Variants in FRYL observed in about 807,000 individuals in gnomAD.
FRYL encodes the protein FRY like transcription coactivator, also known as protein furry homolog-like.
Under a neutral mutation model 351.2 loss-of-function variants are expected in FRYL, and 150 were observed. The observed-to-expected ratio is 0.43, with a 90% CI of 0.37 to 0.49. The LOEUF is 0.49. FRYL is among the 20% of genes least tolerant of loss of function. The pLI is 0.00. For missense variants in FRYL, 3,036 were observed against 3,619.3 expected, an observed-to-expected ratio of 0.84 and a Z score of 4.13; for synonymous variants, 1,153 against 1,257.1, an observed-to-expected ratio of 0.92 and a Z score of 1.75.
intron 3 of FRYL, among the ~76,000 whole-genome samples, chr4:48,635,548 T>G (rs1407087246): frequency 6.6e-6 from 1 of 152,140 alleles, no homozygotes; most frequent in African/African-American, 2.4e-5. Flanking sequence ...TGCTGGCAAA[T>G]AGTAAGCTGC....
intron 1 of FRYL, among the ~76,000 whole-genome samples, chr4:48,727,159 A>G (rs1394838511): frequency 6.6e-6 from 1 of 152,176 alleles, no homozygotes; most frequent in Non-Finnish European, 1.5e-5. Flanking sequence ...GCAAGGATGC[A>G]CTAAAACTTA....
chr4:48,549,438 G>C lies in FRYL; in HGVS notation c.4784+35C>G. On this transcript the variant is annotated intron_variant, in intron 39 of 63. Transcript: ENST00000358350. The surrounding 1 kb of genome is among the most constrained non-coding windows in gnomAD (Gnocchi z 4.2). ...AGCCGACAGTGTTCAGCAGCAACTT[G>C]GTGCATATGTAAAAGGAATGACGCT... 6.4e-7 allele frequency: 1 copy of C among 1,569,982 alleles called. No homozygotes were observed. Among genetic ancestry groups the C allele is most frequent in the Non-Finnish European group, 8.7e-7 (1 of 1,154,604 alleles).
intron 1 of FRYL, among the ~76,000 whole-genome samples, chr4:48,775,619 A>T (rs1775936341): frequency 6.6e-6 from 1 of 152,220 alleles, no homozygotes; most frequent in Non-Finnish European, 1.5e-5. Context: ...CGTTTGAGTG[A>T]TTCCACCATG....
At chr4:48,527,449 T>A in intron 53 of FRYL, 28 bp downstream of exon 53, 1 of 1,568,606 alleles carries the variant, frequency 6.4e-7, no homozygotes, top group African/African-American at 1.4e-5. Context: ...GTTCTATAAA[T>A]ATTAACAGAG....
intron 2 of FRYL, among the ~76,000 whole-genome samples, chr4:48,707,697 G>A (rs2149585848): frequency 6.6e-6 from 1 of 152,346 alleles, no homozygotes; most frequent in East Asian, 1.9e-4. Context: ...AAGGCAAGAA[G>A]TGATTGAAGT....
intron 2 of FRYL, among the ~76,000 whole-genome samples, chr4:48,698,689 G>T (rs1433448952): frequency 2.0e-5 from 3 of 152,088 alleles, no homozygotes; most frequent in Non-Finnish European, 4.4e-5. Flanking sequence ...AATTAGTTTG[G>T]TCACTATGGA....
intron 3 of FRYL, among the ~76,000 whole-genome samples, chr4:48,644,142 G>A (rs1179984298): frequency 1.3e-5 from 2 of 151,988 alleles, no homozygotes; most frequent in African/African-American, 2.4e-5. Flanking sequence ...GGGTTTCCCC[G>A]TGTTGGTCAG....
At chr4:48,721,948 C>T (rs546730163) in intron 1 of FRYL, among the ~76,000 whole-genome samples, 65 of 152,164 alleles carry the variant, frequency 4.3e-4, no homozygotes, top group African/African-American at 1.4e-3. Context: ...CCCATATGTA[C>T]GTTTCTTAGA....
At chr4:48,774,158 A>G (rs1490161108) in intron 1 of FRYL, among the ~76,000 whole-genome samples, 1 of 152,194 alleles carries the variant, frequency 6.6e-6, no homozygotes, top group African/African-American at 2.4e-5. Context: ...TGGGGATGGG[A>G]TGAAAAAGTT....
chr4:48,579,021 A>G lies in FRYL; in HGVS notation c.2480T>C (p.Met827Thr). The G allele has an allele frequency of 6.2e-7, 1 of 1,613,800 alleles. No homozygotes were observed. Among genetic ancestry groups the G allele is most frequent in the African/African-American group, 1.3e-5 (1 of 75,054 alleles). The part of the protein sequence containing the change: ...HCSTAVSYAW[M>T]FAYTRLQLLS... ...CAACTGAAGTCTTGTGTATGCAAACATCCAAGCATAGCTCACAGCTGTAGA... is the reference window on the plus strand; with the variant it reads ...CAACTGAAGTCTTGTGTATGCAAACGTCCAAGCATAGCTCACAGCTGTAGA... The change falls in exon 23 of 64, where the codon ATG (methionine) becomes ACG (threonine). Residue 827 changes from methionine (M) to threonine (T), a missense_variant. Met to Thr is a moderately conservative substitution (Grantham distance 81). Coordinates refer to ENST00000358350, the MANE Select transcript of FRYL (RefSeq NM_015030.2).
intron 7 of FRYL, among the ~76,000 whole-genome samples, chr4:48,611,652 C>G (rs1329471124): frequency 6.6e-6 from 1 of 152,002 alleles, no homozygotes; most frequent in African/African-American, 2.4e-5. Flanking sequence ...CATCTAGAGT[C>G]ACCTTTTCAA....
intron 2 of FRYL, among the ~76,000 whole-genome samples, chr4:48,709,232 G>A (rs931544044): frequency 3.3e-5 from 5 of 152,050 alleles, no homozygotes; most frequent in Admixed American, 6.6e-5. Flanking sequence ...AGGTATCTGT[G>A]TTTTTATAAA....
chr4:48,507,535 C>CAGTTAGTTAGTTT, intron 59 of FRYL, among the ~76,000 whole-genome samples: 1 of 151,790 alleles, frequency 6.6e-6, no homozygotes, highest in East Asian at 1.9e-4. Flanking sequence ...CTCAAACAAA[C>CAGTTAGTTAGTTT]AGTTAGTTAG....
intron 1 of FRYL, among the ~76,000 whole-genome samples, chr4:48,745,028 G>A (rs1772511547): frequency 1.3e-5 from 2 of 152,192 alleles, no homozygotes; most frequent in African/African-American, 4.8e-5. Flanking sequence ...CATTTATAGG[G>A]ATTGGCAAGA....
chr4:48,727,108 C>T (rs1262635157), intron 1 of FRYL, among the ~76,000 whole-genome samples: 1 of 151,912 alleles, frequency 6.6e-6, no homozygotes, highest in Admixed American at 6.6e-5. Context: ...TCAGTAATCT[C>T]ATCTCAATTT....
At position 48,629,260 on chromosome 4, in the gene FRYL, T is replaced by G. The variant is rs376654206; in HGVS notation, c.120+5031A>C. On this transcript the variant is annotated intron_variant, in intron 4 of 63. Transcript: ENST00000358350. ...CTGAAACATTTCAGTAATCTGTAAT[T>G]GGAGATGGCAGGTTGAACACTTGTA... 1.4e-3 allele frequency among the ~76,000 whole-genome samples: 215 copies of G among 152,210 alleles called. 1 individual carries two copies. The highest frequency in any genetic ancestry group is 4.6e-3 in the African/African-American group (191 of 41,550).
At position 48,687,055 on chromosome 4, in the gene FRYL, G is replaced by A. The variant is rs983205653; in HGVS notation, c.-203-2260C>T. Among the ~76,000 whole-genome samples, 60 of 152,190 alleles carry A rather than the reference G, an allele frequency of 3.9e-4. 3 individuals carry two copies. The highest frequency in any genetic ancestry group is 2.9e-3 in the Admixed American group (44 of 15,278). On this transcript the variant is annotated intron_variant, in intron 2 of 63. Transcript: ENST00000358350. ...GGTGGGTCTTTCTGGGACCTTTTTC[G>A]TCTGTTTACTTGCAGGACAATCACT...
At chr4:48,500,656 C>A (rs1719364667) in intron 62 of FRYL, among the ~76,000 whole-genome samples, 1 of 152,026 alleles carries the variant, frequency 6.6e-6, no homozygotes, top group African/African-American at 2.4e-5. Context: ...TAAATCATTT[C>A]CCCAGTGATA....
chr4:48,567,554 A>G lies in FRYL; in HGVS notation c.2997-134T>C, dbSNP rs1737062810. ...ATGGCAGCACGCAACTTAATATATG[A>G]AAATTAAATGAATATGATTTTGCTT... On this transcript the variant is annotated intron_variant, in intron 27 of 63. Coordinates refer to ENST00000358350, the MANE Select transcript of FRYL (RefSeq NM_015030.2). The surrounding 1 kb of genome is among the most constrained non-coding windows in gnomAD (Gnocchi z 4.2). 13 of 592,720 alleles carry G rather than the reference A, an allele frequency of 2.2e-5. No homozygotes were observed. The South Asian group carries it at 3.5e-4, about 16-fold the overall frequency. 36.7% of individuals were successfully genotyped at this position (592,720 alleles called of 1,614,324 possible). A position where few individuals can be genotyped will look rare whatever the true frequency, so the allele number is the denominator to read the frequency against.
Sources: allele counts gnomAD v4.1 joint callset (sites outside exome capture counted in the v4.1 genomes callset), GRCh38; gene constraint gnomAD v4.1.1; non-coding constraint Gnocchi (gnomAD v3.1); transcripts MANE v1.5; gene names NCBI Gene and HGNC (gene_info 2026-07-23, HGNC 2026-07-21).